CRLF2: variants seen among roughly 807,000 people sequenced by gnomAD.
CRLF2 encodes the protein cytokine receptor like factor 2, also known as cytokine receptor-like factor 2.
In CRLF2, 41 loss-of-function variants were observed where a neutral mutation model predicts 38.7. The observed-to-expected ratio is 1.06, with a 90% CI of 0.83 to 1.37. The LOEUF is 1.37. CRLF2 is among the 40% of genes most tolerant of loss of function. The probability of loss-of-function intolerance (pLI) is 0.00; values close to 1 mark genes in which losing one functional copy is unlikely to be tolerated. For synonymous variants in CRLF2, 140 were observed against 128.8 expected, an observed-to-expected ratio of 1.09 and a Z score of -0.59; for missense variants, 377 against 322.2, an observed-to-expected ratio of 1.17 and a Z score of -1.30.
chrX:1,195,477 A>G lies in CRLF2; in HGVS notation c.767+1303T>C, dbSNP rs1276914809. Among the ~76,000 whole-genome samples the G allele has an allele frequency of 3.3e-5, 5 of 151,864 alleles. No individual in the cohort carries two copies. In the South Asian group the frequency reaches 8.3e-4, roughly 25 times the overall value. ...GGGTGGAGTGCAGTGGTGCAATCAC[A>G]GCTCACTGCAGCCTTAAACTCCCAG... is the stretch of plus-strand genomic sequence containing the variant. On this transcript the variant is annotated intron_variant, in intron 6 of 7. Coordinates refer to ENST00000400841, the MANE Select transcript of CRLF2 (RefSeq NM_022148.4).
chrX:1,195,842 AT>A (rs1486751611), intron 6 of CRLF2, among the ~76,000 whole-genome samples: 7 of 141,182 alleles, frequency 5.0e-5, no homozygotes, highest in Non-Finnish European at 1.1e-4. Flanking sequence ...TAAATTATAT[AT>A]TTATATATTT....
Position 1,202,444 on chromosome X carries a change from G to C in CRLF2, c.441C>G (p.Leu147=). The change falls in exon 4 of 8, where the codon CTC becomes CTG. Residue 147 remains leucine (L), a synonymous_variant. Transcript: ENST00000400841. ...AGGGGCTCCGGTACTGAACCTCATAGAGGAGATCCCCGTAGGACAGGTCAG... is the reference window on the plus strand; with the variant it reads ...AGGGGCTCCGGTACTGAACCTCATACAGGAGATCCCCGTAGGACAGGTCAG... ...TCSDLSYGDL[L]YEVQYRSPFD... is the part of the protein sequence containing the mutation. The C allele has an allele frequency of 6.2e-7, 1 of 1,613,712 alleles. No individual in the cohort carries two copies. Among genetic ancestry groups the C allele is most frequent in the Non-Finnish European group, 8.5e-7 (1 of 1,179,668 alleles).
chrX:1,205,844 C>T (rs1212773759), intron 3 of CRLF2, among the ~76,000 whole-genome samples: 1 of 151,122 alleles, frequency 6.6e-6, no homozygotes, highest in Non-Finnish European at 1.5e-5. Context: ...CTTGCTTTAT[C>T]AGTACTTATG....
At chrX:1,206,100 T>C (rs759071644) in intron 3 of CRLF2, among the ~76,000 whole-genome samples, 2 of 152,204 alleles carry the variant, frequency 1.3e-5, no homozygotes, top group African/African-American at 4.8e-5. Context: ...GTGCTGAGCT[T>C]GCTTTTCAAT....
In CRLF2 at chrX:1,193,279, C is replaced by T. The variant is rs1331404974; in HGVS notation, c.791G>A (p.Ser264Asn). 197 of 398,526 alleles carry T rather than the reference C, an allele frequency of 4.9e-4. No individual in the cohort carries two copies. Among genetic ancestry groups the T allele is most frequent in the Admixed American group, 7.1e-4 (16 of 22,670 alleles). The allele number at this position is 398,526 out of a possible 1,614,324, so 24.7% of individuals were successfully genotyped here. A position where few individuals can be genotyped will look rare whatever the true frequency, so the allele number is the denominator to read the frequency against. Reference sequence around the variant, plus strand: ...GAAGATGGATTTCGGGTCTGGCACGCTGGGAATGAGAAACTTCTTCACTCT... The same window carrying T: ...GAAGATGGATTTCGGGTCTGGCACGTTGGGAATGAGAAACTTCTTCACTCT... ...LWRVKKFLIP[S>N]VPDPKSIFPG... Residue 264 changes from serine (S) to asparagine (N), a missense_variant, in exon 7 of 8, where the codon AGC becomes AAC. Coordinates refer to ENST00000400841, the MANE Select transcript of CRLF2 (RefSeq NM_022148.4).
At chrX:1,209,577 C>T (rs1320551025) in intron 1 of CRLF2, among the ~76,000 whole-genome samples, 15 of 151,888 alleles carry the variant, frequency 9.9e-5, no homozygotes, top group East Asian at 1.9e-4. Flanking sequence ...GTGATCCGCC[C>T]GCCTCATCCA....
At chrX:1,211,090 T>C (rs2086788789) in intron 1 of CRLF2, among the ~76,000 whole-genome samples, 1 of 147,614 alleles carries the variant, frequency 6.8e-6, no homozygotes, top group African/African-American at 2.5e-5. Context: ...GATGGATAGA[T>C]GGATAAGTGG....
rs370595721 is a variant in CRLF2, at chrX:1,208,902, C to G, written c.86G>C (p.Gly29Ala). The change falls in exon 2 of 8, where the codon GGA becomes GCA. Residue 29 changes from glycine to alanine, a missense_variant. By Grantham distance (60) the Gly-to-Ala change is moderately conservative. Coordinates refer to ENST00000400841, the MANE Select transcript of CRLF2 (RefSeq NM_022148.4). ...MALGQGGAAE[G>A]VQIQIIYFNL... is the part of the protein sequence containing the mutation. Reference sequence around the variant, plus strand: ...GAAGTAGATGATCTGAATCTGTACTCCTTCTGCTAGACACAGAGAGACGCA... The same window carrying G: ...GAAGTAGATGATCTGAATCTGTACTGCTTCTGCTAGACACAGAGAGACGCA... 254 of 1,587,430 alleles carry G rather than the reference C, an allele frequency of 1.6e-4. No homozygotes were observed. The African/African-American group carries it at 3.0e-3, about 18-fold the overall frequency.
intron 5 of CRLF2, among the ~76,000 whole-genome samples, chrX:1,197,962 A>AC (rs1281054959): frequency 6.6e-6 from 1 of 152,134 alleles, no homozygotes; most frequent in Non-Finnish European, 1.5e-5. Context: ...AGATCGCGCC[A>AC]CTGCACTCCA....
chrX:1,193,510 G>A (rs1203919506), intron 6 of CRLF2, among the ~76,000 whole-genome samples: 1 of 152,066 alleles, frequency 6.6e-6, no homozygotes, highest in African/African-American at 2.4e-5. Context: ...GGGAGTGGTG[G>A]CTCACGCCTG....
intron 1 of CRLF2, among the ~76,000 whole-genome samples, chrX:1,210,153 G>C (rs1453719698): frequency 7.7e-6 from 1 of 129,442 alleles, no homozygotes; most frequent in Non-Finnish European, 1.7e-5. Context: ...AAAGAAATGG[G>C]CCAACCGTAA....
At position 1,198,602 on chromosome X, in the gene CRLF2, G is replaced by C. The variant is rs751744628; in HGVS notation, c.606C>G (p.Asp202Glu). The C allele has an allele frequency of 3.7e-6, 6 of 1,613,724 alleles. No individual in the cohort carries two copies. The highest frequency in any genetic ancestry group is 1.7e-4 in the Middle Eastern group (1 of 6,056). ...DVYGPDTYPSDWSEVTCWQRG... is the reference protein window; with the variant it reads ...DVYGPDTYPSEWSEVTCWQRG... ...TCTGCCAGCATGTCACCTCTGACCA[G>C]TCGCTTGGGTATGTGTCTGGCCCAT... Residue 202 changes from aspartate to glutamate, a missense_variant, in exon 5 of 8, where the codon GAC becomes GAG. Coordinates refer to ENST00000400841, the MANE Select transcript of CRLF2 (RefSeq NM_022148.4).
At chrX:1,198,200 C>G (rs1235999244) in intron 5 of CRLF2, among the ~76,000 whole-genome samples, 26 of 120,740 alleles carry the variant, frequency 2.2e-4, no homozygotes, top group Non-Finnish European at 3.9e-4. Flanking sequence ...AGGCAGGACA[C>G]CCTCCCTCCC....
chrX:1,206,377 G>T, intron 3 of CRLF2, 56 bp downstream of exon 3: 1 of 1,497,966 alleles, frequency 6.7e-7, no homozygotes, highest in Non-Finnish European at 9.3e-7. Flanking sequence ...AGTCCTTGTG[G>T]TAATAAGCTG....
intron 7 of CRLF2, 131 bp from the exon 8 acceptor site, chrX:1,191,291 T>C: frequency 2.5e-6 from 1 of 395,740 alleles, no homozygotes; most frequent in Non-Finnish European, 4.4e-6. Context: ...CTTTCTTTTC[T>C]TTTCTCTTTC....
At chrX:1,200,084 A>G (rs188446358) in intron 4 of CRLF2, among the ~76,000 whole-genome samples, 57 of 141,674 alleles carry the variant, frequency 4.0e-4, no homozygotes, top group Non-Finnish European at 7.5e-4. Context: ...GTGTATATGT[A>G]TTGTATATAA....
chrX:1,206,352 A>G (rs2086690712), intron 3 of CRLF2, 81 bp downstream of exon 3: 7 of 1,268,452 alleles, frequency 5.5e-6, no homozygotes, highest in South Asian at 1.2e-5. Context: ...GGCGATTTGC[A>G]TGAGCTTGGT....
chrX:1,190,568 G>A lies in CRLF2; in HGVS notation c.*329C>T, dbSNP rs1426577810. ...ATGGACGGAACTGGGGACTCACAGA[G>A]TGGGAAGATGGTTTTACAGCATTTT... On this transcript the variant is annotated 3_prime_UTR_variant, in exon 8 of 8. Transcript: ENST00000400841. 1.5e-5 allele frequency: 5 copies of A among 324,330 alleles called. No individual in the cohort carries two copies. Among genetic ancestry groups the A allele is most frequent in the Non-Finnish European group, 2.2e-5 (4 of 178,880 alleles). The allele number at this position is 324,330 out of a possible 1,614,324, so 20.1% of individuals were successfully genotyped here. A position where few individuals can be genotyped will look rare whatever the true frequency, so the allele number is the denominator to read the frequency against.
At chrX:1,198,127 G>GGAAGGCAGGACACCCTCCCTCCCACCTC (rs1569468810) in intron 5 of CRLF2, among the ~76,000 whole-genome samples, 3 of 143,180 alleles carry the variant, frequency 2.1e-5, no homozygotes, top group African/African-American at 2.6e-5. Flanking sequence ...CACCCTCCTG[G>GGAAGGCAGGACACCCTCCCTCCCACCTC]GAAGGCAGGA....
Sources: allele counts gnomAD v4.1 joint callset (sites outside exome capture counted in the v4.1 genomes callset), GRCh38; gene constraint gnomAD v4.1.1; transcripts MANE v1.5; gene names NCBI Gene and HGNC (gene_info 2026-07-23, HGNC 2026-07-21).